Variants in PRSS12 observed in about 807,000 individuals in gnomAD.
PRSS12 encodes serine protease 12.
In PRSS12, 85 loss-of-function variants were observed where a neutral mutation model predicts 104.4. The ratio of observed to expected loss-of-function variants is 0.81; its 90% CI spans 0.68 to 0.98. PRSS12 has a LOEUF of 0.98. Among genes scored for constraint, PRSS12 ranks in the 50% least tolerant of loss-of-function variants. The probability of loss-of-function intolerance (pLI) is 0.00; values close to 1 mark genes in which losing one functional copy is unlikely to be tolerated. For synonymous variants in PRSS12, 454 were observed against 425.2 expected (o/e 1.07, Z -0.83); for missense variants, 1,141 against 1,139.2 (o/e 1.00, Z -0.02).
At chr4:118,333,734 A>T (rs976645808) in intron 3 of PRSS12, among the ~76,000 whole-genome samples, 10 of 152,312 alleles carry the variant, frequency 6.6e-5, no homozygotes, top group African/African-American at 2.4e-4. Flanking sequence ...TGGCATAACC[A>T]CCTTTCACTT....
chr4:118,312,463 T>C (rs1743767766), intron 7 of PRSS12, among the ~76,000 whole-genome samples: 1 of 151,476 alleles, frequency 6.6e-6, no homozygotes, highest in African/African-American at 2.4e-5. Flanking sequence ...CCTCTGTATT[T>C]TTCATTCATA....
intron 11 of PRSS12, among the ~76,000 whole-genome samples, chr4:118,290,001 C>T (rs545424132): frequency 2.0e-5 from 3 of 152,242 alleles, no homozygotes; most frequent in South Asian, 2.1e-4. Context: ...ATATCATCAT[C>T]CTCTAAAAAG....
At chr4:118,302,243 T>C (rs557777032) in intron 8 of PRSS12, among the ~76,000 whole-genome samples, 1 of 152,328 alleles carries the variant, frequency 6.6e-6, no homozygotes, top group East Asian at 1.9e-4. Context: ...GCTCTTTTAA[T>C]ACATTGTAGA....
Position 118,295,074 on chromosome 4 carries a change from T to C in PRSS12, c.1917-13A>G. On this transcript the variant is annotated splice_polypyrimidine_tract_variant and intron_variant, in intron 10 of 12. Coordinates refer to ENST00000296498, the MANE Select transcript of PRSS12 (RefSeq NM_003619.4). ...AGGCCAACCACCCCTAAGAAGAAAA[T>C]GAGCTACACATCAACGTCAGTAAAA... is the stretch of plus-strand genomic sequence containing the variant. 1 of 1,613,410 alleles carries C rather than the reference T, an allele frequency of 6.2e-7. No homozygotes were observed. Among genetic ancestry groups the C allele is most frequent in the Non-Finnish European group, 8.5e-7 (1 of 1,179,872 alleles).
In PRSS12 at chr4:118,313,309, T is replaced by C. The variant is rs1743806508; in HGVS notation, c.1381A>G (p.Arg461Gly). ...TGTCGCCTGGAACACTGAAGAAATC[T>C]GGTTTCCTTTCCTGAGCAGCTGACG... Reference protein sequence around the residue: ...DDVSCSGKETRFLQCSRRQWG... With the variant: ...DDVSCSGKETGFLQCSRRQWG... Residue 461 changes from arginine to glycine, a missense_variant, in exon 7 of 13, where the codon AGA becomes GGA. Physicochemically the swap from Arg to Gly is moderately radical, Grantham distance 125. Transcript: ENST00000296498. 7.4e-6 allele frequency: 12 copies of C among 1,614,116 alleles called. No individual in the cohort carries two copies. Among genetic ancestry groups the C allele is most frequent in the East Asian group, 6.7e-5 (3 of 44,870 alleles).
intron 11 of PRSS12, among the ~76,000 whole-genome samples, chr4:118,289,711 T>C (rs961597222): frequency 1.3e-5 from 2 of 152,202 alleles, no homozygotes; most frequent in African/African-American, 4.8e-5. Flanking sequence ...TCAATAAAGA[T>C]GTGAGCTGTA....
At chr4:118,307,822 A>C (rs1225952409) in intron 8 of PRSS12, among the ~76,000 whole-genome samples, 1 of 152,106 alleles carries the variant, frequency 6.6e-6, no homozygotes, top group Non-Finnish European at 1.5e-5. Context: ...ACTTAGGAAC[A>C]CTACACAGCA....
rs1367837706 is a variant in PRSS12 at position 118,318,543 on chromosome 4, C to A, written c.985G>T (p.Ala329Ser). ...RQLGLSGIAK[A>S]WHQAYFGEGS... is the part of the protein sequence containing the mutation. Reference sequence around the variant, plus strand: ...TCCCCAAAATATGCCTGATGCCATGCTTTGGCAATGCCACTGAACAAATAA... The same window carrying A: ...TCCCCAAAATATGCCTGATGCCATGATTTGGCAATGCCACTGAACAAATAA... The change falls in exon 5 of 13, where the codon GCA (alanine) becomes TCA (serine). Residue 329 changes from alanine (A) to serine (S), a missense_variant. Physicochemically the swap from Ala to Ser is moderately conservative, Grantham distance 99. Coordinates refer to ENST00000296498, the MANE Select transcript of PRSS12 (RefSeq NM_003619.4). 1.2e-6 allele frequency: 2 copies of A among 1,614,016 alleles called. No individual in the cohort carries two copies. Among genetic ancestry groups the A allele is most frequent in the Non-Finnish European group, 8.5e-7 (1 of 1,179,942 alleles).
chr4:118,308,632 A>G (rs1469491187), intron 7 of PRSS12, 55 bp from the exon 8 acceptor site: 1 of 1,566,192 alleles, frequency 6.4e-7, no homozygotes, highest in Non-Finnish European at 8.8e-7. Flanking sequence ...CTGATTCTAA[A>G]GCATGAGCGA....
intron 4 of PRSS12, among the ~76,000 whole-genome samples, chr4:118,323,387 C>T (rs1004829092): frequency 4.6e-5 from 7 of 151,142 alleles, no homozygotes; most frequent in Non-Finnish European, 1.0e-4. Context: ...GAGACCAATA[C>T]GGAAGAATAT....
At chr4:118,300,822 T>C (rs899422082) in intron 8 of PRSS12, among the ~76,000 whole-genome samples, 1 of 152,100 alleles carries the variant, frequency 6.6e-6, no homozygotes, top group Non-Finnish European at 1.5e-5. Flanking sequence ...ATTTAAAAAA[T>C]AAGTAATCTG....
Position 118,295,818 on chromosome 4 carries a change from G to A in PRSS12, c.1876C>T (p.Arg626Cys), listed in dbSNP as rs1252360844. 4.3e-5 allele frequency: 69 copies of A among 1,613,890 alleles called. No individual in the cohort carries two copies. The highest frequency in any genetic ancestry group is 5.3e-5 in the Non-Finnish European group (62 of 1,179,982). ...SSVCGLRLLH[R>C]RQKRIIGGKN... ...CCACCAATGATCCGCTTCTGCCGAC[G>A]GTGCAGTAATCTCAAGCCACAAACA... Residue 626 changes from arginine (R) to cysteine (C), a missense_variant, in exon 10 of 13, where the codon CGT becomes TGT. Physicochemically the swap from Arg to Cys is radical, Grantham distance 180. Coordinates refer to ENST00000296498, the MANE Select transcript of PRSS12 (RefSeq NM_003619.4).
At chr4:118,339,570 G>A (rs1724147918) in intron 1 of PRSS12, among the ~76,000 whole-genome samples, 1 of 152,162 alleles carries the variant, frequency 6.6e-6, no homozygotes, top group African/African-American at 2.4e-5. Context: ...AATAAATGGA[G>A]GTGAGCATTG....
At chr4:118,294,455 A>G (rs1329518759) in intron 11 of PRSS12, among the ~76,000 whole-genome samples, 2 of 152,206 alleles carry the variant, frequency 1.3e-5, no homozygotes, top group African/African-American at 4.8e-5. Flanking sequence ...AAGGACTGAT[A>G]AAATGTTTGG....
At chr4:118,342,349 A>G (rs1724236395) in intron 1 of PRSS12, among the ~76,000 whole-genome samples, 1 of 152,170 alleles carries the variant, frequency 6.6e-6, no homozygotes, top group Non-Finnish European at 1.5e-5. Context: ...TCAAGAATTG[A>G]TCCCTCACCT....
At chr4:118,338,512 T>C (rs1187829166) in intron 1 of PRSS12, among the ~76,000 whole-genome samples, 198 bp from the exon 2 acceptor site, 1 of 152,192 alleles carries the variant, frequency 6.6e-6, no homozygotes, top group Non-Finnish European at 1.5e-5. Flanking sequence ...GTAATTAACA[T>C]CCTGACGTCA....
chr4:118,294,412 A>G (rs3805189), intron 11 of PRSS12, among the ~76,000 whole-genome samples: 78,320 of 151,934 alleles, frequency 0.52, 20,534 homozygotes, highest in East Asian at 0.58. Flanking sequence ...GTGACTCTGC[A>G]TGACCTCTCC....
chr4:118,284,174 GT>G (rs1742963211), intron 11 of PRSS12, among the ~76,000 whole-genome samples: 3 of 152,092 alleles, frequency 2.0e-5, no homozygotes, highest in Admixed American at 2.0e-4. Context: ...GCATTATAGT[GT>G]GTTTAGAAGC....
intron 11 of PRSS12, among the ~76,000 whole-genome samples, chr4:118,290,790 T>G (rs966182678): frequency 3.9e-5 from 6 of 152,130 alleles, no homozygotes; most frequent in African/African-American, 1.2e-4. Context: ...CTCCTTCTGT[T>G]GTATTGTACC....
Sources: allele counts gnomAD v4.1 joint callset (sites outside exome capture counted in the v4.1 genomes callset), GRCh38; gene constraint gnomAD v4.1.1; transcripts MANE v1.5; gene names NCBI Gene and HGNC (gene_info 2026-07-23, HGNC 2026-07-21).